The following NEMP2 variants were observed in gnomAD, a reference collection of about 807,000 sequenced individuals.
The protein encoded by NEMP2 is UPF0571 transmembrane protein.
In NEMP2, 53 loss-of-function variants were observed where a neutral mutation model predicts 54.2. The observed-to-expected ratio is 0.98, with a 90% CI of 0.78 to 1.23. NEMP2 has a LOEUF of 1.23. NEMP2 is among the 50% of genes most tolerant of loss of function. The pLI is 0.00. For synonymous variants in NEMP2, 197 were observed against 190.3 expected, an observed-to-expected ratio of 1.04 and a Z score of -0.29; for missense variants, 455 against 511.3, an observed-to-expected ratio of 0.89 and a Z score of 1.06.
chr2:190,435,910 G>C, the NEMP2 span: 2 of 1,301,704 alleles, frequency 1.5e-6, no homozygotes, highest in East Asian at 4.7e-5. Flanking sequence ...TTTCCTGCAA[G>C]ATGAAGTTCT....
the NEMP2 span, among the ~76,000 whole-genome samples, chr2:190,491,353 A>G: frequency 6.6e-6 from 1 of 152,196 alleles, no homozygotes; most frequent in African/African-American, 2.4e-5. This position sits in a 1 kb window ranked among gnomAD's most constrained non-coding sequence, Gnocchi z 4.2. Flanking sequence ...TACTGCAGGA[A>G]TATACCAGGA....
chr2:190,429,813 A>G, the NEMP2 span, among the ~76,000 whole-genome samples: 1 of 152,176 alleles, frequency 6.6e-6, no homozygotes, highest in African/African-American at 2.4e-5. Flanking sequence ...ATATGATGTC[A>G]GATACATATA....
chr2:190,504,014 T>TC (rs1185226523), downstream of NEMP2, among the ~76,000 whole-genome samples: 1 of 152,140 alleles, frequency 6.6e-6, no homozygotes, highest in Non-Finnish European at 1.5e-5. This position sits in a 1 kb window ranked among gnomAD's most constrained non-coding sequence, Gnocchi z 5.6. Flanking sequence ...GGACCACTTG[T>TC]CCCCCACTGT....
the NEMP2 span, among the ~76,000 whole-genome samples, chr2:190,629,054 G>A: frequency 6.6e-6 from 1 of 152,138 alleles, no homozygotes; most frequent in Non-Finnish European, 1.5e-5. Flanking sequence ...CTATGTTTTT[G>A]GTCCAGAATT....
chr2:190,499,725 G>A, downstream of NEMP2: 10 of 1,201,586 alleles, frequency 8.3e-6, no homozygotes, highest in Middle Eastern at 2.1e-4. The surrounding 1 kb of genome is among the most constrained non-coding windows in gnomAD (Gnocchi z 6.0). Flanking sequence ...AATATTTGCT[G>A]ATGTAAACTG....
Position 190,518,760 on chromosome 2 carries a change from A to G in NEMP2, c.494T>C (p.Phe165Ser), listed in dbSNP as rs202060494. The G allele has an allele frequency of 6.5e-7, 1 of 1,545,694 alleles. No homozygotes were observed. Among genetic ancestry groups the G allele is most frequent in the African/African-American group, 1.4e-5 (1 of 72,472 alleles). The stretch of plus-strand genomic sequence containing the variant: ...CTGACTCAGGGTCCTTGCATAAAAG[A>G]AAAGAAAAACTCCTGCCACAAACAC... The part of the protein sequence containing the change: ...FLVFVAGVFL[F>S]FYARTLSQSP... Residue 165 changes from phenylalanine (F) to serine (S), a missense_variant, in exon 4 of 9, where the codon TTC becomes TCC. Coordinates refer to ENST00000409150, the MANE Select transcript of NEMP2 (RefSeq NM_001142645.2).
the NEMP2 span, among the ~76,000 whole-genome samples, chr2:190,617,274 C>T: frequency 6.6e-6 from 1 of 152,306 alleles, no homozygotes; most frequent in African/African-American, 2.4e-5. This position sits in a 1 kb window ranked among gnomAD's most constrained non-coding sequence, Gnocchi z 5.0. Context: ...CAAGAGTCTT[C>T]CCAAAGCTTT....
the NEMP2 span, among the ~76,000 whole-genome samples, chr2:190,613,879 C>T: frequency 6.6e-6 from 1 of 151,878 alleles, no homozygotes; most frequent in Non-Finnish European, 1.5e-5. Flanking sequence ...CGTGAGCCAC[C>T]GTGCCCAGCC....
chr2:190,576,238 T>C, the NEMP2 span, among the ~76,000 whole-genome samples: 1 of 152,224 alleles, frequency 6.6e-6, no homozygotes, highest in Non-Finnish European at 1.5e-5. Context: ...CCCAAAGTGC[T>C]GGGATTACAA....
rs1559162117 is a variant in NEMP2, at chr2:190,520,194, T to C, written c.214-1011A>G. ...TATATGAGTAGGCATAGTTTGAAAA[T>C]AGGGTTTATATTTACACCATTTTCT... is the stretch of plus-strand genomic sequence containing the variant. On this transcript the variant is annotated intron_variant, in intron 2 of 8. Transcript: ENST00000409150. The surrounding 1 kb of genome is among the most constrained non-coding windows in gnomAD (Gnocchi z 5.4). 6.6e-6 allele frequency among the ~76,000 whole-genome samples: 1 copy of C among 152,118 alleles called. No homozygotes were observed. Among genetic ancestry groups the C allele is most frequent in the Non-Finnish European group, 1.5e-5 (1 of 68,032 alleles).
At chr2:190,543,541 C>T in the NEMP2 span, among the ~76,000 whole-genome samples, 60 of 152,320 alleles carry the variant, frequency 3.9e-4, 2 homozygotes, top group South Asian at 0.012. The surrounding 1 kb of genome is among the most constrained non-coding windows in gnomAD (Gnocchi z 4.7). Flanking sequence ...CACTTGGTGA[C>T]AGGCAGATTG....
the NEMP2 span, among the ~76,000 whole-genome samples, chr2:190,606,635 C>G: frequency 6.6e-6 from 1 of 152,166 alleles, no homozygotes; most frequent in African/African-American, 2.4e-5. Context: ...TTGCTTGAAC[C>G]TGGGAGGCAG....
rs1293656145 is a variant in NEMP2, at chr2:190,519,271, G to C, written c.214-88C>G. On this transcript the variant is annotated intron_variant, in intron 2 of 8. Transcript: ENST00000409150. The surrounding 1 kb of genome is among the most constrained non-coding windows in gnomAD (Gnocchi z 5.4). ...GGGTCTCCCTCTGTTGCCCAGAATG[G>C]AGTGCAGTGGCAGGATCTCTGCTCA... The C allele has an allele frequency of 1.2e-5, 11 of 914,304 alleles. No homozygotes were observed. In the East Asian group the frequency reaches 2.6e-4, roughly 22 times the overall value. The allele number at this position is 914,304 out of a possible 1,614,324, so 56.6% of individuals were successfully genotyped here.
the NEMP2 span, among the ~76,000 whole-genome samples, chr2:190,585,179 A>C: frequency 2.6e-5 from 4 of 152,342 alleles, no homozygotes; most frequent in East Asian, 5.8e-4. The surrounding 1 kb of genome is among the most constrained non-coding windows in gnomAD (Gnocchi z 5.3). Flanking sequence ...GCTCATATGA[A>C]TCTAACAAGG....
chr2:190,475,509 A>G, the NEMP2 span, among the ~76,000 whole-genome samples: 25 of 152,236 alleles, frequency 1.6e-4, no homozygotes, highest in African/African-American at 4.1e-4. Context: ...TATAAGGGAT[A>G]TGAAGGACCT....
the NEMP2 span, among the ~76,000 whole-genome samples, chr2:190,458,412 C>A: frequency 6.6e-6 from 1 of 152,010 alleles, no homozygotes; most frequent in Admixed American, 6.5e-5. The surrounding 1 kb of genome is among the most constrained non-coding windows in gnomAD (Gnocchi z 5.3). Flanking sequence ...TGTCTGCAAG[C>A]CAACGAGAGG....
At chr2:190,425,444 T>C in the NEMP2 span, among the ~76,000 whole-genome samples, 1 of 152,222 alleles carries the variant, frequency 6.6e-6, no homozygotes, top group Non-Finnish European at 1.5e-5. This position sits in a 1 kb window ranked among gnomAD's most constrained non-coding sequence, Gnocchi z 4.3. Flanking sequence ...TCTTTCACCA[T>C]TAAGTGCAGT....
chr2:190,432,420 GT>G, the NEMP2 span, among the ~76,000 whole-genome samples: 1 of 152,062 alleles, frequency 6.6e-6, no homozygotes, highest in Non-Finnish European at 1.5e-5. Flanking sequence ...TTTCTTGTTT[GT>G]TTTTGTTTTT....
the NEMP2 span, among the ~76,000 whole-genome samples, chr2:190,439,212 T>G: frequency 6.6e-6 from 1 of 151,996 alleles, no homozygotes; most frequent in Admixed American, 6.6e-5. This position sits in a 1 kb window ranked among gnomAD's most constrained non-coding sequence, Gnocchi z 5.8. Context: ...GTCTTTAAAA[T>G]CACTGTTATT....
Sources: gnomAD v4.1 joint callset for allele counts (sites outside exome capture counted in the v4.1 genomes callset) on GRCh38, gnomAD v4.1.1 for gene constraint, Gnocchi (gnomAD v3.1) non-coding constraint, MANE v1.5 for transcripts, NCBI Gene and HGNC (gene_info 2026-07-23, HGNC 2026-07-21) for gene names.